XKR4: variants seen among roughly 807,000 people sequenced by gnomAD.
The protein encoded by XKR4 is XK-related protein 4.
XKR4 carries 12 observed loss-of-function variants against 53.9 expected under a neutral mutation model. The observed-to-expected ratio is 0.22, with a 90% CI of 0.14 to 0.36. The LOEUF (loss-of-function observed/expected upper bound fraction) is 0.36. Ranked by LOEUF, XKR4 falls within the 10% of genes least tolerant of loss-of-function variation. The probability of loss-of-function intolerance (pLI) is 1.00; values close to 1 mark genes in which losing one functional copy is unlikely to be tolerated. For missense variants in XKR4, 799 were observed against 859.5 expected, an observed-to-expected ratio of 0.93 and a Z score of 0.88; for synonymous variants, 354 against 362.4, an observed-to-expected ratio of 0.98 and a Z score of 0.26.
chr8:55,381,277 G>A (rs775679914), intron 2 of XKR4, among the ~76,000 whole-genome samples: 1 of 152,134 alleles, frequency 6.6e-6, no homozygotes, highest in African/African-American at 2.4e-5. Context: ...TCTTTTAACT[G>A]AGAAAACTTT....
chr8:55,431,030 C>T (rs971900215), intron 2 of XKR4, among the ~76,000 whole-genome samples: 1 of 152,130 alleles, frequency 6.6e-6, no homozygotes, highest in Non-Finnish European at 1.5e-5. Context: ...TATACAGGAT[C>T]TCTCCATATT....
intron 2 of XKR4, among the ~76,000 whole-genome samples, chr8:55,469,745 G>C (rs546126872): frequency 6.6e-6 from 1 of 152,244 alleles, no homozygotes; most frequent in African/African-American, 2.4e-5. Context: ...GATCAGGGAA[G>C]CCAGTAGCCT....
chr8:55,128,191 C>T (rs913917088), intron 1 of XKR4, among the ~76,000 whole-genome samples: 1 of 151,976 alleles, frequency 6.6e-6, no homozygotes, highest in African/African-American at 2.4e-5. Flanking sequence ...GTTTACAGTC[C>T]CACCAACAGT....
At chr8:55,504,655 T>TTAATTCCTCTTTA (rs1253251272) in intron 2 of XKR4, among the ~76,000 whole-genome samples, 1 of 152,198 alleles carries the variant, frequency 6.6e-6, no homozygotes, top group Non-Finnish European at 1.5e-5. Context: ...AAATATTTGG[T>TTAATTCCTCTTTA]AAAATTTACC....
chr8:55,526,452 G>A lies in XKR4; in HGVS notation c.*2225G>A, dbSNP rs1382684696. ...AAATACTAATCTTTTGTTGGGATGT[G>A]GAAAGATTACCTAGTCACCAGTAAA... is the stretch of plus-strand genomic sequence containing the variant. On this transcript the variant is annotated 3_prime_UTR_variant, in exon 3 of 3. Transcript: ENST00000327381. 1 of 152,146 alleles carries A rather than the reference G, an allele frequency of 6.6e-6. No homozygotes were observed. The highest frequency in any genetic ancestry group is 2.4e-5 in the African/African-American group (1 of 41,426). 9.4% of individuals were successfully genotyped at this position (152,146 alleles called of 1,614,324 possible). A position where few individuals can be genotyped will look rare whatever the true frequency, so the allele number is the denominator to read the frequency against.
At chr8:55,435,564 A>AT (rs1197182296) in intron 2 of XKR4, among the ~76,000 whole-genome samples, 27 of 133,866 alleles carry the variant, frequency 2.0e-4, no homozygotes, top group African/African-American at 5.8e-4. Context: ...TTTTTTTTTT[A>AT]TTTTTTTATT....
Position 55,449,688 on chromosome 8 carries a change from C to G in XKR4, c.1007-73593C>G. The G allele has an allele frequency of 3.4e-6, 3 of 887,000 alleles. No individual in the cohort carries two copies. The Admixed American group carries it at 5.1e-5, about 15-fold the overall frequency. The allele number at this position is 887,000 out of a possible 1,614,324, so 54.9% of individuals were successfully genotyped here. A position where few individuals can be genotyped will look rare whatever the true frequency, so the allele number is the denominator to read the frequency against. On this transcript the variant is annotated intron_variant, in intron 2 of 2. Coordinates refer to ENST00000327381, the MANE Select transcript of XKR4 (RefSeq NM_052898.2). ...GGTGCCACAGCCTCCACCTCCACCT[C>G]CACCAGGTCGATGACACCCTTGCAC...
At chr8:55,214,859 TTA>T (rs1278802597) in intron 1 of XKR4, among the ~76,000 whole-genome samples, 1 of 152,226 alleles carries the variant, frequency 6.6e-6, no homozygotes, top group African/African-American at 2.4e-5. Flanking sequence ...CATCATTTTT[TTA>T]TGTCTTTCTT....
At chr8:55,105,313 T>G (rs766465015) in intron 1 of XKR4, among the ~76,000 whole-genome samples, 16 of 129,464 alleles carry the variant, frequency 1.2e-4, no homozygotes, top group Non-Finnish European at 1.7e-4. Context: ...CCATAGCCAC[T>G]GGGCCAACTT....
chr8:55,390,396 G>A (rs1183762408), intron 2 of XKR4, among the ~76,000 whole-genome samples: 1 of 152,192 alleles, frequency 6.6e-6, no homozygotes, highest in Non-Finnish European at 1.5e-5. Context: ...TTCATTAGAA[G>A]ACTCTGAAAA....
chr8:55,350,828 C>T (rs1304229925), intron 1 of XKR4, among the ~76,000 whole-genome samples: 1 of 150,794 alleles, frequency 6.6e-6, no homozygotes, highest in African/African-American at 2.4e-5. Flanking sequence ...CAACCTCTGC[C>T]TCCCAGGTTC....
intron 1 of XKR4, among the ~76,000 whole-genome samples, chr8:55,277,788 A>G (rs903718617): frequency 1.3e-5 from 2 of 152,230 alleles, no homozygotes; most frequent in Admixed American, 6.5e-5. Flanking sequence ...CCCATGTGCC[A>G]TGTCTAAACA....
intron 1 of XKR4, among the ~76,000 whole-genome samples, chr8:55,225,323 G>T (rs1346601364): frequency 6.6e-6 from 1 of 152,226 alleles, no homozygotes; most frequent in South Asian, 2.1e-4. Context: ...TATATGCATT[G>T]TATGGCACAA....
intron 1 of XKR4, among the ~76,000 whole-genome samples, chr8:55,300,734 C>T (rs990639365): frequency 6.6e-6 from 1 of 152,096 alleles, no homozygotes; most frequent in Admixed American, 6.5e-5. Context: ...GAATAAGGTG[C>T]TTCCATCGTG....
chr8:55,472,592 T>C (rs1298759366), intron 2 of XKR4, among the ~76,000 whole-genome samples: 2 of 151,704 alleles, frequency 1.3e-5, no homozygotes, highest in African/African-American at 4.9e-5. Flanking sequence ...GGGAGAAAAA[T>C]GGTCAGAGAG....
intron 1 of XKR4, among the ~76,000 whole-genome samples, chr8:55,207,135 G>A (rs1817661507): frequency 6.6e-6 from 1 of 152,192 alleles, no homozygotes; most frequent in South Asian, 2.1e-4. Flanking sequence ...ATGGTGCTCT[G>A]CTGTCCCGTT....
chr8:55,305,537 G>A (rs1468467661), intron 1 of XKR4, among the ~76,000 whole-genome samples: 3 of 152,232 alleles, frequency 2.0e-5, no homozygotes, highest in East Asian at 1.9e-4. Flanking sequence ...AAGTTCATAC[G>A]TGCCTTGAGT....
chr8:55,247,592 A>C (rs1818301059), intron 1 of XKR4, among the ~76,000 whole-genome samples: 1 of 152,120 alleles, frequency 6.6e-6, no homozygotes. Context: ...TGAGTCCTAT[A>C]TTCTCTTGAT....
intron 2 of XKR4, among the ~76,000 whole-genome samples, chr8:55,371,090 G>C (rs560211663): frequency 6.7e-6 from 1 of 148,268 alleles, no homozygotes; most frequent in Non-Finnish European, 1.5e-5. Context: ...TATGCAAAAT[G>C]GTACAAGGGA....
Sources: gnomAD v4.1 joint callset for allele counts (sites outside exome capture counted in the v4.1 genomes callset) on GRCh38, gnomAD v4.1.1 for gene constraint, MANE v1.5 for transcripts, NCBI Gene and HGNC (gene_info 2026-07-23, HGNC 2026-07-21) for gene names.